ABLIM1: variants seen among roughly 807,000 people sequenced by gnomAD.
ABLIM1 encodes the protein actin binding LIM protein 1, also known as actin-binding LIM protein 1.
In ABLIM1, 40 loss-of-function variants were observed where a neutral mutation model predicts 107.0. That is an observed-to-expected ratio of 0.37 (90% CI 0.29 to 0.49). ABLIM1 has a LOEUF of 0.49. ABLIM1 is among the 20% of genes least tolerant of loss of function. ABLIM1 has a pLI of 0.97. For synonymous variants in ABLIM1, 357 were observed against 357.3 expected, an observed-to-expected ratio of 1.00 and a Z score of 0.01; for missense variants, 857 against 1,008.5, an observed-to-expected ratio of 0.85 and a Z score of 2.04.
chr10:114,747,429 G>A (rs1230280391), intron 1 of ABLIM1, among the ~76,000 whole-genome samples: 3 of 152,118 alleles, frequency 2.0e-5, no homozygotes, highest in African/African-American at 4.8e-5. Flanking sequence ...ATGTGTATAC[G>A]TGCCCAAAGA....
At chr10:114,732,180 CTTTTTTT>C (rs113276247) in intron 1 of ABLIM1, among the ~76,000 whole-genome samples, 7,208 of 109,850 alleles carry the variant, frequency 0.066, 210 homozygotes, top group African/African-American at 0.14. Flanking sequence ...CTTTTCTTTT[CTTTTTTT>C]TTTTTTTTTT....
chr10:114,774,579 A>G, the ABLIM1 span, among the ~76,000 whole-genome samples: 1 of 152,218 alleles, frequency 6.6e-6, no homozygotes, highest in South Asian at 2.1e-4. Flanking sequence ...GGTAAAATGA[A>G]CAAATATTTG....
In ABLIM1 at chr10:114,594,378, T is replaced by C. The variant is rs187119586; in HGVS notation, c.379+7449A>G. Among the ~76,000 whole-genome samples, 292 of 152,360 alleles carry C rather than the reference T, an allele frequency of 1.9e-3. 2 individuals are homozygous for C. Among genetic ancestry groups the C allele is most frequent in the Non-Finnish European group, 3.7e-4 (25 of 68,032 alleles). ...CACTCTTTCTTTTCAGAAGATAATGTTACTGTCTAGTAGCCATTGGAAGAC... is the reference window on the plus strand; with the variant it reads ...CACTCTTTCTTTTCAGAAGATAATGCTACTGTCTAGTAGCCATTGGAAGAC... On this transcript the variant is annotated intron_variant, in intron 2 of 22. Coordinates refer to ENST00000533213, the MANE Select transcript of ABLIM1 (RefSeq NM_002313.7).
chr10:114,693,492 G>C (rs2081128476), intron 1 of ABLIM1, among the ~76,000 whole-genome samples: 1 of 152,148 alleles, frequency 6.6e-6, no homozygotes. Flanking sequence ...CAAGTACATT[G>C]CCCCTACAGG....
At chr10:114,754,830 C>T (rs550045434) in intron 1 of ABLIM1, among the ~76,000 whole-genome samples, 4 of 152,252 alleles carry the variant, frequency 2.6e-5, no homozygotes, top group Non-Finnish European at 5.9e-5. Context: ...AGTCCAGCCC[C>T]GAGAGATTCT....
chr10:114,769,172 G>GAAAA (rs35691537), upstream of ABLIM1, among the ~76,000 whole-genome samples: 12 of 46,520 alleles, frequency 2.6e-4, no homozygotes, highest in East Asian at 8.9e-4. Flanking sequence ...TGTCTTCAAT[G>GAAAA]AAAAAAAAAA....
At chr10:114,570,603 T>C (rs1449070612) in intron 4 of ABLIM1, among the ~76,000 whole-genome samples, 1 of 97,704 alleles carries the variant, frequency 1.0e-5, no homozygotes, top group East Asian at 3.4e-4. Flanking sequence ...TGGGTTTTTT[T>C]TTTTTTTTTT....
chr10:114,456,004 C>T (rs574325974), intron 12 of ABLIM1, among the ~76,000 whole-genome samples: 24 of 151,944 alleles, frequency 1.6e-4, no homozygotes, highest in African/African-American at 5.8e-4. Flanking sequence ...TTAGTAGAGA[C>T]GGGGTTTCAC....
intron 6 of ABLIM1, among the ~76,000 whole-genome samples, chr10:114,512,932 G>A (rs2062153482): frequency 6.6e-6 from 1 of 151,880 alleles, no homozygotes; most frequent in South Asian, 2.1e-4. Context: ...AAGAAAGAGA[G>A]AAAGCAAGCA....
chr10:114,545,175 A>G (rs986830517), intron 5 of ABLIM1, 77 bp from the exon 6 acceptor site: 1 of 1,305,996 alleles, frequency 7.7e-7, no homozygotes, highest in African/African-American at 1.4e-5. Context: ...CATTTCTCCA[A>G]GGCCTTTCCA....
At chr10:114,746,308 T>C (rs963696286) in intron 1 of ABLIM1, among the ~76,000 whole-genome samples, 1 of 152,236 alleles carries the variant, frequency 6.6e-6, no homozygotes. Flanking sequence ...TCAATTATTT[T>C]AGATTCCACA....
At chr10:114,681,637 G>A (rs1566231180) in intron 1 of ABLIM1, among the ~76,000 whole-genome samples, 1 of 152,152 alleles carries the variant, frequency 6.6e-6, no homozygotes, top group East Asian at 1.9e-4. Context: ...CATGACAGCA[G>A]GACATATGTT....
At chr10:114,762,508 G>T (rs184875712) in intron 1 of ABLIM1, among the ~76,000 whole-genome samples, 95 of 152,302 alleles carry the variant, frequency 6.2e-4, no homozygotes, top group African/African-American at 2.3e-3. Flanking sequence ...TGAAATGAAT[G>T]AGTAGGGATT....
intron 14 of ABLIM1, among the ~76,000 whole-genome samples, chr10:114,448,859 C>G (rs2061444843): frequency 6.6e-6 from 1 of 152,186 alleles, no homozygotes; most frequent in Non-Finnish European, 1.5e-5. Context: ...ATTCGCCCAC[C>G]ATGGCCTCCC....
At chr10:114,578,175 C>G (rs2072842218) in intron 2 of ABLIM1, among the ~76,000 whole-genome samples, 1 of 152,172 alleles carries the variant, frequency 6.6e-6, no homozygotes, top group Non-Finnish European at 1.5e-5. Context: ...AATTAATGAT[C>G]TCTCTCTGTG....
At chr10:114,542,374 C>T (rs1389464773) in intron 6 of ABLIM1, among the ~76,000 whole-genome samples, 1 of 142,884 alleles carries the variant, frequency 7.0e-6, no homozygotes, top group Admixed American at 7.2e-5. Context: ...TGTACCACTG[C>T]ACTCCAGCCT....
chr10:114,754,952 T>G (rs990910759), intron 1 of ABLIM1, among the ~76,000 whole-genome samples: 7 of 152,192 alleles, frequency 4.6e-5, no homozygotes, highest in Admixed American at 3.9e-4. Flanking sequence ...TCCTGAGTGG[T>G]GACAGCAAAT....
chr10:114,617,161 T>C (rs548748058), intron 1 of ABLIM1, among the ~76,000 whole-genome samples: 2 of 152,068 alleles, frequency 1.3e-5, no homozygotes, highest in African/African-American at 4.8e-5. Context: ...ATATATACTA[T>C]AGTGAAGGGC....
intron 17 of ABLIM1, among the ~76,000 whole-genome samples, chr10:114,443,104 A>G (rs1392909540): frequency 6.6e-5 from 10 of 152,078 alleles, no homozygotes; most frequent in Admixed American, 6.6e-4. Context: ...TCCCCACTAA[A>G]TGCATTTTTA....
Sources: gnomAD v4.1 joint callset for allele counts (sites outside exome capture counted in the v4.1 genomes callset) on GRCh38, gnomAD v4.1.1 for gene constraint, MANE v1.5 for transcripts, NCBI Gene and HGNC (gene_info 2026-07-23, HGNC 2026-07-21) for gene names.